VPS13C: variants seen among roughly 807,000 people sequenced by gnomAD.
VPS13C encodes the protein vacuolar protein sorting 13 homolog C.
A neutral mutation model predicts 456.8 loss-of-function variants in VPS13C; 358 were observed. The ratio of observed to expected loss-of-function variants is 0.78; its 90% CI spans 0.72 to 0.86. The LOEUF is 0.86. VPS13C is among the 40% of genes least tolerant of loss of function. The pLI is 0.00. For synonymous variants in VPS13C, 1,578 were observed against 1,486.7 expected (o/e 1.06, Z -1.41); for missense variants, 4,818 against 4,385.4 (o/e 1.10, Z -2.79).
At chr15:61,951,732 A>G in intron 39 of VPS13C, 92 bp downstream of exon 39, 1 of 1,342,388 alleles carries the variant, frequency 7.4e-7, no homozygotes, top group Admixed American at 2.6e-5. Context: ...AAATTAACAC[A>G]ATTGCACAGA....
intron 74 of VPS13C, 163 bp from the exon 75 acceptor site, chr15:61,877,217 AAATT>A (rs1277730901): frequency 2.1e-6 from 1 of 473,774 alleles, no homozygotes; most frequent in African/African-American, 2.0e-5. Flanking sequence ...AATGGTTACT[AAATT>A]ATTATAAAAA....
At chr15:62,044,736 T>A (rs945412464) in intron 1 of VPS13C, among the ~76,000 whole-genome samples, 3 of 152,160 alleles carry the variant, frequency 2.0e-5, no homozygotes, top group Non-Finnish European at 4.4e-5. Context: ...TTACTGTATG[T>A]GCTTCTAATA....
rs1195677224 is a variant in VPS13C, at chr15:61,920,345, TATC to T, written c.7213-17_7213-15del. 1 of 1,559,252 alleles carries T rather than the reference TATC, an allele frequency of 6.4e-7. No homozygotes were observed. Among genetic ancestry groups the T allele is most frequent in the Admixed American group, 2.0e-5 (1 of 50,552 alleles). ...CTCTGAAAAACCCTGAAAAGGAACA[TATC>T]ATCACAGTAAAATTTTTGAAAAACA... is the stretch of plus-strand genomic sequence containing the variant. On this transcript the variant is annotated splice_polypyrimidine_tract_variant and intron_variant, in intron 56 of 84. Transcript: ENST00000644861.
chr15:61,854,013 G>T lies in VPS13C; in HGVS notation c.*444C>A. On this transcript the variant is annotated 3_prime_UTR_variant, in exon 85 of 85. Coordinates refer to ENST00000644861, the MANE Select transcript of VPS13C (RefSeq NM_020821.3). ...GCCAAGATCGCACCACTGCATTCCA[G>T]CCTGGGCGACAGAGCAAGACTCGGT... 6.4e-6 allele frequency: 1 copy of T among 157,130 alleles called. No homozygotes were observed. Among genetic ancestry groups the T allele is most frequent in the Non-Finnish European group, 1.4e-5 (1 of 72,966 alleles). 9.7% of individuals were successfully genotyped at this position (157,130 alleles called of 1,614,324 possible). A position where few individuals can be genotyped will look rare whatever the true frequency, so the allele number is the denominator to read the frequency against.
At position 61,881,771 on chromosome 15, in the gene VPS13C, G is replaced by T; in HGVS notation, c.9682C>A (p.Pro3228Thr). 1 of 1,609,130 alleles carries T rather than the reference G, an allele frequency of 6.2e-7. No homozygotes were observed. The highest frequency in any genetic ancestry group is 8.5e-7 in the Non-Finnish European group (1 of 1,178,628). The change falls in exon 70 of 85, where the codon CCA (proline) becomes ACA (threonine). Residue 3228 changes from proline to threonine, a missense_variant. Pro to Thr is a conservative substitution (Grantham distance 38). Coordinates refer to ENST00000644861, the MANE Select transcript of VPS13C (RefSeq NM_020821.3). The part of the protein sequence containing the change: ...FPVVFHPVAP[P>T]KSIALDSEPK... ...CCTGAATCTAAAGCAATAGATTTTG[G>T]AGGGGCAACAGGATGAAATACAACA...
At position 62,003,109 on chromosome 15, in the gene VPS13C, C is replaced by A. The variant is rs574693268; in HGVS notation, c.1291-2483G>T. ...CATTGAATCTGTAAATTACCTTGGG[C>A]AGTATGGCCATTTTCATGATATTGA... On this transcript the variant is annotated intron_variant, in intron 15 of 84. Coordinates refer to ENST00000644861, the MANE Select transcript of VPS13C (RefSeq NM_020821.3). Among the ~76,000 whole-genome samples, 7 of 152,214 alleles carry A rather than the reference C, an allele frequency of 4.6e-5. 1 individual carries two copies. The South Asian group carries it at 1.5e-3, about 32-fold the overall frequency.
chr15:61,924,378 T>TA (rs2043772778), intron 53 of VPS13C, among the ~76,000 whole-genome samples: 1 of 152,240 alleles, frequency 6.6e-6, no homozygotes, highest in Non-Finnish European at 1.5e-5. Context: ...GCCATGCCTC[T>TA]AGCACTGAAA....
intron 3 of VPS13C, among the ~76,000 whole-genome samples, chr15:62,039,218 T>C (rs1020864879): frequency 6.6e-6 from 1 of 151,688 alleles, no homozygotes; most frequent in Non-Finnish European, 1.5e-5. Context: ...ATAAAGAAAA[T>C]GTGATACATA....
In VPS13C at chr15:61,890,208, T is replaced by C; in HGVS notation, c.9298A>G (p.Asn3100Asp). ...SLHSLGLSLV[N>D]NESKQEVSYI... ...GAAACTTCCTGCTTGCTTTCATTGT[T>C]AACCAGTGAAAGCCCAAGACTGTGG... is the stretch of plus-strand genomic sequence containing the variant. Residue 3100 changes from asparagine to aspartate, a missense_variant, in exon 67 of 85, where the codon AAC becomes GAC. Coordinates refer to ENST00000644861, the MANE Select transcript of VPS13C (RefSeq NM_020821.3). 2 of 1,614,136 alleles carry C rather than the reference T, an allele frequency of 1.2e-6. No homozygotes were observed. Among genetic ancestry groups the C allele is most frequent in the Non-Finnish European group, 8.5e-7 (1 of 1,180,010 alleles).
rs1277765489 is a variant in VPS13C at position 61,911,895 on chromosome 15, A to G, written c.8660T>C (p.Ile2887Thr). Residue 2887 changes from isoleucine (I) to threonine (T), a missense_variant, in exon 63 of 85, where the codon ATT (isoleucine) becomes ACT (threonine). Coordinates refer to ENST00000644861, the MANE Select transcript of VPS13C (RefSeq NM_020821.3). Reference protein sequence around the residue: ...KSSLELEVGEIASDGSMPTNK... With the variant: ...KSSLELEVGETASDGSMPTNK... ...AGTTGGCATTGAGCCATCAGATGCA[A>G]TCTCGCCAACTTCTAGTTCTAATGA... The G allele has an allele frequency of 6.2e-7, 1 of 1,612,780 alleles. No homozygotes were observed. The highest frequency in any genetic ancestry group is 1.7e-5 in the Admixed American group (1 of 59,972).
chr15:61,991,467 C>T (rs2046221430), intron 17 of VPS13C, among the ~76,000 whole-genome samples: 2 of 151,896 alleles, frequency 1.3e-5, no homozygotes, highest in Admixed American at 1.3e-4. Flanking sequence ...ATTTCACAAA[C>T]AAAAAAATCA....
intron 38 of VPS13C, among the ~76,000 whole-genome samples, chr15:61,952,736 A>T (rs551602409): frequency 2.4e-4 from 36 of 152,254 alleles, no homozygotes; most frequent in African/African-American, 8.7e-4. Flanking sequence ...ATTGATTGTT[A>T]GAGACAGGGT....
intron 66 of VPS13C, among the ~76,000 whole-genome samples, chr15:61,892,541 GAACA>G (rs2042683769): frequency 1.3e-5 from 2 of 152,222 alleles, no homozygotes; most frequent in South Asian, 4.1e-4. Flanking sequence ...ACAAGCCAGA[GAACA>G]AACACTGGAA....
intron 81 of VPS13C, chr15:61,866,178 G>A (rs908523951): frequency 1.0e-5 from 10 of 984,718 alleles, no homozygotes; most frequent in Non-Finnish European, 9.6e-6. Context: ...AATTATCCAT[G>A]CCCACACTTG....
At position 62,048,845 on chromosome 15, in the gene VPS13C, T is replaced by C. The variant is rs1246223128; in HGVS notation, c.101-4590A>G. On this transcript the variant is annotated intron_variant, in intron 1 of 84. Coordinates refer to ENST00000644861, the MANE Select transcript of VPS13C (RefSeq NM_020821.3). ...GTTGTGGTTTTGATTTGCATTTCTC[T>C]GATGGCCAGTGATGATGAGCATTTT... Among the ~76,000 whole-genome samples the C allele has an allele frequency of 3.3e-4, 50 of 152,382 alleles. No homozygotes were observed. In the East Asian group the frequency reaches 9.0e-3, roughly 28 times the overall value.
At chr15:61,979,129 G>A (rs949210833) in intron 22 of VPS13C, among the ~76,000 whole-genome samples, 5 of 151,880 alleles carry the variant, frequency 3.3e-5, no homozygotes, top group African/African-American at 4.8e-5. Context: ...TTCCTTCTCC[G>A]CACTATACCA....
chr15:61,918,855 T>A (rs1477682890), intron 58 of VPS13C, among the ~76,000 whole-genome samples: 3 of 152,058 alleles, frequency 2.0e-5, no homozygotes, highest in Admixed American at 6.6e-5. Context: ...TTACACAGAT[T>A]AAGATGCTAA....
chr15:61,887,746 A>G (rs945706016), intron 67 of VPS13C, among the ~76,000 whole-genome samples: 4 of 152,124 alleles, frequency 2.6e-5, no homozygotes, highest in Non-Finnish European at 4.4e-5. Flanking sequence ...ACACAAAATT[A>G]CAAAACTCCT....
chr15:61,864,147 G>A (rs1035614858), intron 81 of VPS13C: 5 of 223,614 alleles, frequency 2.2e-5, no homozygotes, highest in African/African-American at 9.4e-5. Flanking sequence ...GATCTTATAC[G>A]TTAAACATGC....
Sources: gnomAD v4.1 joint callset for allele counts (sites outside exome capture counted in the v4.1 genomes callset) on GRCh38, gnomAD v4.1.1 for gene constraint, MANE v1.5 for transcripts, NCBI Gene and HGNC (gene_info 2026-07-23, HGNC 2026-07-21) for gene names.